The following FAM13A variants were observed in gnomAD, a reference collection of about 807,000 sequenced individuals.
FAM13A encodes the protein family with sequence similarity 13 member A.
A neutral mutation model predicts 129.6 loss-of-function variants in FAM13A; 76 were observed. The observed-to-expected ratio is 0.59, with a 90% CI of 0.49 to 0.71. The LOEUF is 0.71. Among genes scored for constraint, FAM13A ranks in the 30% least tolerant of loss-of-function variants. The pLI, the probability that FAM13A is intolerant of heterozygous loss-of-function variation, is 0.00. For synonymous variants in FAM13A, 443 were observed against 449.9 expected, an observed-to-expected ratio of 0.98 and a Z score of 0.20; for missense variants, 1,108 against 1,249.3, an observed-to-expected ratio of 0.89 and a Z score of 1.70.
chr4:88,730,126 C>A (rs1363225970), intron 23 of FAM13A: 3 of 152,112 alleles, frequency 2.0e-5, no homozygotes, highest in Admixed American at 6.5e-5. Flanking sequence ...GCTTTCATTT[C>A]CCCAAACTTT....
intron 5 of FAM13A, among the ~76,000 whole-genome samples, chr4:88,916,666 TA>T (rs1217804800): frequency 1.3e-5 from 2 of 152,196 alleles, no homozygotes; most frequent in Non-Finnish European, 2.9e-5. Context: ...TACTTCTGCT[TA>T]GACTGCTCTT....
intron 8 of FAM13A, among the ~76,000 whole-genome samples, chr4:88,797,169 C>T (rs1726374127): frequency 6.6e-6 from 1 of 151,816 alleles, no homozygotes; most frequent in African/African-American, 2.4e-5. Context: ...ACACACTATA[C>T]TTGTATTTTA....
intron 3 of FAM13A, among the ~76,000 whole-genome samples, chr4:89,005,746 A>C (rs1432698316): frequency 6.6e-6 from 1 of 152,080 alleles, no homozygotes; most frequent in African/African-American, 2.4e-5. Context: ...TCCTTTGCCC[A>C]CTTTTTAATG....
intron 1 of FAM13A, among the ~76,000 whole-genome samples, chr4:89,032,239 C>T (rs1260273595): frequency 2.0e-5 from 3 of 147,844 alleles, no homozygotes; most frequent in East Asian, 2.0e-4. Context: ...AGCGAGACTC[C>T]GTCTCAAAAA....
At chr4:89,043,754 C>T (rs999335846) in intron 1 of FAM13A, among the ~76,000 whole-genome samples, 1 of 152,028 alleles carries the variant, frequency 6.6e-6, no homozygotes, top group Non-Finnish European at 1.5e-5. Context: ...AATTGAACAT[C>T]AAAACTAAAA....
chr4:88,943,025 T>G (rs1363677608), intron 4 of FAM13A, among the ~76,000 whole-genome samples: 7 of 152,350 alleles, frequency 4.6e-5, no homozygotes, highest in Non-Finnish European at 1.0e-4. Context: ...TTAGGAAAAC[T>G]TAATCTCGTC....
At chr4:89,030,851 A>T (rs1768587619) in intron 1 of FAM13A, among the ~76,000 whole-genome samples, 1 of 152,176 alleles carries the variant, frequency 6.6e-6, no homozygotes, top group Non-Finnish European at 1.5e-5. Flanking sequence ...TTAATTCTAC[A>T]ATCTTTGAGT....
At position 88,859,521 on chromosome 4, in the gene FAM13A, C is replaced by A. The variant is rs527278462; in HGVS notation, c.844-8338G>T. On this transcript the variant is annotated intron_variant, in intron 6 of 23. Coordinates refer to ENST00000264344, the MANE Select transcript of FAM13A (RefSeq NM_014883.4). ...CTGATGTTCTCAGTGAAACAGCAAG[C>A]AAGGTCATCCTCTGAGTGTGAAGCG... Among the ~76,000 whole-genome samples the A allele has an allele frequency of 7.9e-5, 12 of 152,224 alleles. 1 individual carries two copies. In the South Asian group the frequency reaches 2.5e-3, roughly 32 times the overall value.
chr4:88,749,865 T>C lies in FAM13A; in HGVS notation c.1985A>G (p.Asp662Gly). Residue 662 changes from aspartate to glycine, a missense_variant, in exon 16 of 24, where the codon GAC becomes GGC. Around this residue, in one of 3 missense-constraint regions of FAM13A, gnomAD observed 529 missense variants for 621.2 expected, o/e 0.85. Transcript: ENST00000264344. ...SLGSYDDEQE[D>G]LTPAQLTRRI... ...TCGTGTGAGCTGGGCAGGTGTCAGG[T>C]CCTCTTGCTCATCATCATAGGACCC... 1 of 1,614,090 alleles carries C rather than the reference T, an allele frequency of 6.2e-7. No individual in the cohort carries two copies. Among genetic ancestry groups the C allele is most frequent in the Non-Finnish European group, 8.5e-7 (1 of 1,180,002 alleles).
At chr4:88,777,592 T>C (rs562624922) in intron 11 of FAM13A, among the ~76,000 whole-genome samples, 1 of 152,332 alleles carries the variant, frequency 6.6e-6, no homozygotes, top group African/African-American at 2.4e-5. Flanking sequence ...TCTCTGCTGG[T>C]CATGATATCC....
chr4:88,807,777 TACTGGCAC>T (rs1728872070), intron 7 of FAM13A, among the ~76,000 whole-genome samples: 1 of 152,242 alleles, frequency 6.6e-6, no homozygotes, highest in Non-Finnish European at 1.5e-5. Flanking sequence ...TATTAAAATA[TACTGGCAC>T]GATGTCAAGA....
chr4:88,852,277 T>G (rs756640682), intron 6 of FAM13A, among the ~76,000 whole-genome samples: 6 of 151,866 alleles, frequency 4.0e-5, no homozygotes, highest in Non-Finnish European at 8.8e-5. Context: ...TTCTCCTTCC[T>G]CAGCCTCCTG....
chr4:88,788,255 G>A (rs538020256), intron 9 of FAM13A, among the ~76,000 whole-genome samples: 3 of 152,248 alleles, frequency 2.0e-5, no homozygotes. Context: ...GAAGAATGAG[G>A]AAAGATTTTT....
intron 5 of FAM13A, among the ~76,000 whole-genome samples, chr4:88,928,713 G>GT (rs111835649): frequency 0.79 from 120,184 of 151,434 alleles, 47,901 homozygotes; most frequent in Non-Finnish European, 0.82. Context: ...TGGGTTTCTT[G>GT]TGGGAGCATA....
chr4:88,879,732 C>T (rs905159584), intron 6 of FAM13A, among the ~76,000 whole-genome samples: 1 of 152,294 alleles, frequency 6.6e-6, no homozygotes, highest in East Asian at 1.9e-4. Context: ...CTTTCCTTTT[C>T]CTTGGGTACA....
At chr4:88,819,325 T>C (rs1731424360) in intron 7 of FAM13A, among the ~76,000 whole-genome samples, 1 of 152,238 alleles carries the variant, frequency 6.6e-6, no homozygotes, top group Non-Finnish European at 1.5e-5. Context: ...CACAGGTTCA[T>C]AACTTCATCT....
intron 5 of FAM13A, among the ~76,000 whole-genome samples, chr4:88,919,495 T>C (rs1357653217): frequency 3.9e-5 from 6 of 152,212 alleles, no homozygotes; most frequent in African/African-American, 2.4e-5. Context: ...TATAAAGAAC[T>C]AGAATAAGTG....
chr4:88,956,442 C>T (rs1446060563), intron 4 of FAM13A, among the ~76,000 whole-genome samples: 2 of 151,976 alleles, frequency 1.3e-5, no homozygotes, highest in African/African-American at 4.8e-5. Context: ...GTGATGCTCA[C>T]GCATGTACGA....
rs1724245025 is a variant in FAM13A at position 88,787,703 on chromosome 4, C to A, written c.1271+50G>T. ...CAGCGACTAATTTGGGTGTATATTT[C>A]TTTTAAAAAGAGAAAACTCAAGTAA... is the stretch of plus-strand genomic sequence containing the variant. On this transcript the variant is annotated intron_variant, in intron 10 of 23. Coordinates refer to ENST00000264344, the MANE Select transcript of FAM13A (RefSeq NM_014883.4). 3 of 1,575,924 alleles carry A rather than the reference C, an allele frequency of 1.9e-6. No homozygotes were observed. In the African/African-American group the frequency reaches 4.1e-5, roughly 21 times the overall value.
Sources: allele counts gnomAD v4.1 joint callset (sites outside exome capture counted in the v4.1 genomes callset), GRCh38; gene constraint gnomAD v4.1.1; regional missense constraint gnomAD v4.1.1; transcripts MANE v1.5; gene names NCBI Gene and HGNC (gene_info 2026-07-23, HGNC 2026-07-21).